Variants in USP45 observed in about 807,000 individuals in gnomAD.
The protein encoded by USP45 is ubiquitin specific peptidase 45.
In USP45, 89 loss-of-function variants were observed where a neutral mutation model predicts 95.8. The ratio of observed to expected loss-of-function variants is 0.93; its 90% confidence interval spans 0.78 to 1.11. The LOEUF (loss-of-function observed/expected upper bound fraction) is 1.11. USP45 is among the 50% of genes least tolerant of loss of function. The pLI is 0.00. For missense variants in USP45, 898 were observed against 942.5 expected (o/e 0.95, Z 0.62); for synonymous variants, 281 against 316.2 (o/e 0.89, Z 1.18).
At chr6:99,456,134 GAAAAAAAAAA>G (rs71021737) in intron 13 of USP45, among the ~76,000 whole-genome samples, 4 of 89,526 alleles carry the variant, frequency 4.5e-5, no homozygotes, top group African/African-American at 1.4e-4. Flanking sequence ...CTCTGTCTCG[GAAAAAAAAAA>G]AAAAAAAAAA....
At chr6:99,435,879 T>G in intron 17 of USP45, 33 bp from the exon 18 acceptor site, 1 of 1,592,560 alleles carries the variant, frequency 6.3e-7, no homozygotes. Flanking sequence ...AATTTTAAAG[T>G]AAGTATGCTT....
chr6:99,475,497 G>T (rs890975153), intron 9 of USP45, among the ~76,000 whole-genome samples: 1 of 151,888 alleles, frequency 6.6e-6, no homozygotes, highest in African/African-American at 2.4e-5. Context: ...TGTATTTTTA[G>T]TAGAGACAGG....
At chr6:99,451,972 G>C (rs989739486) in intron 13 of USP45, among the ~76,000 whole-genome samples, 6 of 152,172 alleles carry the variant, frequency 3.9e-5, no homozygotes, top group African/African-American at 1.4e-4. Flanking sequence ...AAACTGGCTA[G>C]CCATATGTAG....
At chr6:99,450,270 A>T (rs1181213485) in intron 13 of USP45, among the ~76,000 whole-genome samples, 4 of 152,204 alleles carry the variant, frequency 2.6e-5, no homozygotes, top group African/African-American at 7.2e-5. Context: ...AGATCAACAA[A>T]ATCGATAAAC....
rs546595169 is a variant in USP45 at position 99,441,393 on chromosome 6, G to A, written c.2074-1538C>T. Among the ~76,000 whole-genome samples, 5 of 152,126 alleles carry A rather than the reference G, an allele frequency of 3.3e-5. No individual in the cohort carries two copies. The South Asian group carries it at 1.0e-3, about 32-fold the overall frequency. Reference sequence around the variant, plus strand: ...CTAAAAATACAAAAATTAGCCAGGTGTGGTGGTGGGTGCCTGTAATCTCAG... The same window carrying A: ...CTAAAAATACAAAAATTAGCCAGGTATGGTGGTGGGTGCCTGTAATCTCAG... On this transcript the variant is annotated intron_variant, in intron 15 of 17. Coordinates refer to ENST00000500704, the MANE Select transcript of USP45 (RefSeq NM_001346022.3).
intron 4 of USP45, among the ~76,000 whole-genome samples, 159 bp from the exon 5 acceptor site, chr6:99,504,024 G>T (rs1441451046): frequency 6.6e-6 from 1 of 152,194 alleles, no homozygotes; most frequent in Non-Finnish European, 1.5e-5. Flanking sequence ...ATAAGCAGAG[G>T]ACAATTCATA....
intron 13 of USP45, chr6:99,462,086 C>T: frequency 1.0e-6 from 1 of 985,178 alleles, no homozygotes; most frequent in East Asian, 1.1e-4. Context: ...AATTTTAGAA[C>T]CGTATGCAAA....
chr6:99,488,196 T>G lies in USP45; in HGVS notation c.714+4A>C. The G allele has an allele frequency of 6.3e-7, 1 of 1,592,328 alleles. No homozygotes were observed. The highest frequency in any genetic ancestry group is 8.6e-7 in the Non-Finnish European group (1 of 1,161,678). On this transcript the variant is annotated splice_donor_region_variant and intron_variant, in intron 7 of 17. Coordinates refer to ENST00000500704, the MANE Select transcript of USP45 (RefSeq NM_001346022.3). ...CAGCTATTATTCAAACAGTTATTACTCACCAGCTGAGAGTCTGAGGAAGGA... is the reference window on the plus strand; with the variant it reads ...CAGCTATTATTCAAACAGTTATTACGCACCAGCTGAGAGTCTGAGGAAGGA...
upstream of USP45, chr6:99,515,547 T>G (rs1801019537): frequency 6.6e-6 from 1 of 151,010 alleles, no homozygotes; most frequent in Non-Finnish European, 1.5e-5. Context: ...CGGGGAGGGG[T>G]GAAAGGGCGG....
chr6:99,443,027 G>T (rs1445137679), intron 15 of USP45, among the ~76,000 whole-genome samples: 1 of 152,150 alleles, frequency 6.6e-6, no homozygotes, highest in African/African-American at 2.4e-5. Context: ...AAACCAGCCT[G>T]GCCAACATGG....
intron 7 of USP45, among the ~76,000 whole-genome samples, chr6:99,483,543 G>C (rs1161644967): frequency 1.3e-5 from 2 of 152,206 alleles, no homozygotes; most frequent in African/African-American, 4.8e-5. Context: ...GGACATTAAA[G>C]AATGTTATCT....
At position 99,460,102 on chromosome 6, in the gene USP45, C is replaced by T. The variant is rs756620222; in HGVS notation, c.1308+4502G>A. On this transcript the variant is annotated intron_variant, in intron 13 of 17. Coordinates refer to ENST00000500704, the MANE Select transcript of USP45 (RefSeq NM_001346022.3). ...CTAACTTTCATTTGTATTCACATTA[C>T]CATATCTTGGTTTTATTTCTCCTTT... Among the ~76,000 whole-genome samples, 8 of 152,306 alleles carry T rather than the reference C, an allele frequency of 5.3e-5. No homozygotes were observed. The East Asian group carries it at 1.5e-3, about 29-fold the overall frequency.
chr6:99,517,630 A>G (rs1490003595), upstream of USP45, among the ~76,000 whole-genome samples: 6 of 146,892 alleles, frequency 4.1e-5, no homozygotes. Context: ...ATTTTAGTAG[A>G]CAAGGTTTCA....
At chr6:99,457,033 G>A (rs1396969428) in intron 13 of USP45, among the ~76,000 whole-genome samples, 1 of 152,142 alleles carries the variant, frequency 6.6e-6, no homozygotes, top group Non-Finnish European at 1.5e-5. Flanking sequence ...ATAGACCCCA[G>A]TCTCCCATAG....
At position 99,466,703 on chromosome 6, in the gene USP45, G is replaced by A. The variant is rs372039716; in HGVS notation, c.1076C>T (p.Thr359Ile). ...FIDRIFIGEL[T>I]STVMCEECAN... is the part of the protein sequence containing the mutation. Reference sequence around the variant, plus strand: ...ACATTCTTCACACATGACCGTGCTAGTTAATTCACCAATAAAGATCCGATC... The same window carrying A: ...ACATTCTTCACACATGACCGTGCTAATTAATTCACCAATAAAGATCCGATC... Residue 359 changes from threonine (T) to isoleucine (I), a missense_variant, in exon 11 of 18, where the codon ACT (threonine) becomes ATT (isoleucine). Thr to Ile is a moderately conservative substitution (Grantham distance 89). Transcript: ENST00000500704. The A allele has an allele frequency of 3.7e-6, 6 of 1,613,438 alleles. No individual in the cohort carries two copies. Among genetic ancestry groups the A allele is most frequent in the Non-Finnish European group, 5.1e-6 (6 of 1,179,664 alleles).
intron 13 of USP45, among the ~76,000 whole-genome samples, chr6:99,455,107 A>C (rs1489176121): frequency 2.6e-5 from 4 of 151,346 alleles, no homozygotes; most frequent in Non-Finnish European, 4.4e-5. Flanking sequence ...AAAAAACAAA[A>C]AACAAAAAAA....
At chr6:99,488,333 A>G (rs775087708) in intron 6 of USP45, 38 bp from the exon 7 acceptor site, 11 of 1,330,030 alleles carry the variant, frequency 8.3e-6, no homozygotes, top group Admixed American at 2.0e-5. Context: ...AGATTCAGTT[A>G]AAATATGCCT....
intron 5 of USP45, 136 bp from the exon 6 acceptor site, chr6:99,488,956 A>G (rs916417310): frequency 1.7e-5 from 11 of 655,156 alleles, no homozygotes; most frequent in Non-Finnish European, 2.5e-5. Context: ...GGGGAAGAAT[A>G]TAAACACAAC....
chr6:99,465,313 A>G (rs1456199040), intron 11 of USP45, among the ~76,000 whole-genome samples, 177 bp from the exon 12 acceptor site: 1 of 150,126 alleles, frequency 6.7e-6, no homozygotes, highest in Admixed American at 6.7e-5. Flanking sequence ...AAAACAAGAT[A>G]TTCTCAAACA....
Sources: allele counts gnomAD v4.1 joint callset (sites outside exome capture counted in the v4.1 genomes callset), GRCh38; gene constraint gnomAD v4.1.1; transcripts MANE v1.5; gene names NCBI Gene and HGNC (gene_info 2026-07-23, HGNC 2026-07-21).